The following NDFIP1 variants were observed in gnomAD, a reference collection of about 807,000 sequenced individuals.
The protein encoded by NDFIP1 is Nedd4 family interacting protein 1.
Under a neutral mutation model 28.8 loss-of-function variants are expected in NDFIP1, and 7 were observed. The ratio of observed to expected loss-of-function variants is 0.24; its 90% CI spans 0.14 to 0.46. The LOEUF (loss-of-function observed/expected upper bound fraction) is 0.46, where lower values mean the gene tolerates loss of function less well. Among genes scored for constraint, NDFIP1 ranks in the 20% least tolerant of loss-of-function variants. The pLI is 0.99. For synonymous variants in NDFIP1, 92 were observed against 101.0 expected (o/e 0.91, Z 0.53); for missense variants, 194 against 269.1 (o/e 0.72, Z 1.95).
chr5:142,134,462 A>G (rs7705547), intron 3 of NDFIP1, among the ~76,000 whole-genome samples: 102,251 of 152,122 alleles, frequency 0.67, 34,685 homozygotes, highest in African/African-American at 0.77. Flanking sequence ...TCGTTTTTAT[A>G]GAAATTTCAA....
chr5:142,126,000 A>G (rs1012867169), intron 1 of NDFIP1, among the ~76,000 whole-genome samples: 3 of 152,190 alleles, frequency 2.0e-5, no homozygotes, highest in African/African-American at 7.2e-5. Context: ...ATTATTTAAA[A>G]TATCTTCCCC....
intron 1 of NDFIP1, among the ~76,000 whole-genome samples, chr5:142,124,028 G>A (rs1210943875): frequency 3.3e-5 from 5 of 152,134 alleles, no homozygotes; most frequent in African/African-American, 1.2e-4. Context: ...AACAATTGTC[G>A]CTCCTTATTT....
In NDFIP1 at chr5:142,152,354, C is replaced by T. The variant is rs1194344456; in HGVS notation, c.*626C>T. On this transcript the variant is annotated 3_prime_UTR_variant, in exon 8 of 8. Coordinates refer to ENST00000253814, the MANE Select transcript of NDFIP1 (RefSeq NM_030571.4). ...TTTTTTATAGCCTGTATTCACAATTCTGCGGTACCTTATTGTACCTAAGGG... is the reference window on the plus strand; with the variant it reads ...TTTTTTATAGCCTGTATTCACAATTTTGCGGTACCTTATTGTACCTAAGGG... The T allele has an allele frequency of 6.6e-6, 1 of 152,268 alleles. No individual in the cohort carries two copies. The highest frequency in any genetic ancestry group is 1.5e-5 in the Non-Finnish European group (1 of 68,010). 9.4% of individuals were successfully genotyped at this position (152,268 alleles called of 1,614,324 possible). A position where few individuals can be genotyped will look rare whatever the true frequency, so the allele number is the denominator to read the frequency against.
chr5:142,142,693 C>T (rs1033230543), intron 6 of NDFIP1, among the ~76,000 whole-genome samples: 2 of 151,452 alleles, frequency 1.3e-5, no homozygotes, highest in Non-Finnish European at 2.9e-5. Context: ...TTTGGGAGGC[C>T]GAGGCAGGCA....
intron 5 of NDFIP1, among the ~76,000 whole-genome samples, chr5:142,138,628 C>T (rs550535915): frequency 1.3e-5 from 2 of 152,078 alleles, no homozygotes; most frequent in South Asian, 2.1e-4. Context: ...CATTTGTTAA[C>T]GTTTTTAGGG....
chr5:142,141,196 T>TTA (rs1491019799), intron 6 of NDFIP1, among the ~76,000 whole-genome samples: 1 of 99,524 alleles, frequency 1.0e-5, no homozygotes, highest in African/African-American at 4.2e-5. Flanking sequence ...TTTTTTTTTT[T>TTA]ACAGAGTCTT....
At chr5:142,111,569 A>G (rs777450706) in intron 1 of NDFIP1, among the ~76,000 whole-genome samples, 1 of 152,190 alleles carries the variant, frequency 6.6e-6, no homozygotes, top group Non-Finnish European at 1.5e-5. Context: ...TAGGAGCATG[A>G]TACTCTTTGG....
intron 1 of NDFIP1, among the ~76,000 whole-genome samples, chr5:142,129,972 A>G (rs4391200): frequency 0.67 from 100,769 of 149,602 alleles, 34,333 homozygotes; most frequent in African/African-American, 0.78. Context: ...TCTACTTCAC[A>G]TTAGTACACC....
At chr5:142,119,789 A>G (rs1443802155) in intron 1 of NDFIP1, among the ~76,000 whole-genome samples, 1 of 152,214 alleles carries the variant, frequency 6.6e-6, no homozygotes, top group African/African-American at 2.4e-5. Context: ...CATAACACTC[A>G]TATATCTATT....
chr5:142,131,077 C>G (rs901744664), intron 1 of NDFIP1, among the ~76,000 whole-genome samples: 6 of 151,852 alleles, frequency 4.0e-5, no homozygotes, highest in Admixed American at 2.0e-4. Context: ...GCCTCAGCCT[C>G]CTGAGTAGCT....
intron 7 of NDFIP1, among the ~76,000 whole-genome samples, chr5:142,148,819 A>G (rs1757417926): frequency 6.6e-6 from 1 of 151,278 alleles, no homozygotes; most frequent in East Asian, 2.0e-4. Flanking sequence ...ACCTGTTATA[A>G]ACATCTGTAC....
chr5:142,111,883 A>G lies in NDFIP1; in HGVS notation c.63+2846A>G, dbSNP rs137904022. Among the ~76,000 whole-genome samples, 835 of 151,834 alleles carry G rather than the reference A, an allele frequency of 5.5e-3. 10 individuals carry two copies. The highest frequency in any genetic ancestry group is 0.019 in the African/African-American group (798 of 41,402). ...GGAGTTCGAGACCAGCCTGGCCAAC[A>G]TGGCAAAACCTTGCCTCTACTAAAA... On this transcript the variant is annotated intron_variant, in intron 1 of 7. Transcript: ENST00000253814.
chr5:142,140,630 G>A lies in NDFIP1; in HGVS notation c.562+1G>A. On this transcript the variant is annotated splice_donor_variant, in intron 6 of 7. Transcript: ENST00000253814. LOFTEE classifies it high-confidence loss of function. Reference sequence around the variant, plus strand: ...CTCTGGTGGGTGTTCCTTGTTTTAGGTAAGTGTTTTTAATGTAAGAAAAGG... The same window carrying A: ...CTCTGGTGGGTGTTCCTTGTTTTAGATAAGTGTTTTTAATGTAAGAAAAGG... 6.2e-7 allele frequency: 1 copy of A among 1,608,436 alleles called. No homozygotes were observed. Among genetic ancestry groups the A allele is most frequent in the Non-Finnish European group, 8.5e-7 (1 of 1,177,890 alleles).
At position 142,132,134 on chromosome 5, in the gene NDFIP1, G is replaced by T; in HGVS notation, c.152-78G>T. 1 of 1,530,916 alleles carries T rather than the reference G, an allele frequency of 6.5e-7. No individual in the cohort carries two copies. Among genetic ancestry groups the T allele is most frequent in the Non-Finnish European group, 8.8e-7 (1 of 1,131,368 alleles). The allele number at this position is 1,530,916 out of a possible 1,614,324, so 94.8% of individuals were successfully genotyped here. On this transcript the variant is annotated intron_variant, in intron 2 of 7. Transcript: ENST00000253814. ...ACTCTTAAGGGAATGGCTGGGTTTT[G>T]TCTGCTAGAGTTAGTGGAACTCCTT... is the stretch of plus-strand genomic sequence containing the variant.
At position 142,153,583 on chromosome 5, in the gene NDFIP1, G is replaced by T; in HGVS notation, c.*1855G>T. 2 of 278,188 alleles carry T rather than the reference G, an allele frequency of 7.2e-6. No homozygotes were observed. Among genetic ancestry groups the T allele is most frequent in the East Asian group, 8.5e-5 (1 of 11,718 alleles). The allele number at this position is 278,188 out of a possible 1,614,324, so 17.2% of individuals were successfully genotyped here. A position where few individuals can be genotyped will look rare whatever the true frequency, so the allele number is the denominator to read the frequency against. The stretch of plus-strand genomic sequence containing the variant: ...AAGTTATATTTGATAATAGAGAAGG[G>T]AGTTTTATGGAAGTTTCTTTGAAGA... On this transcript the variant is annotated 3_prime_UTR_variant, in exon 8 of 8. Transcript: ENST00000253814.
At chr5:142,151,137 G>A (rs1404218396) in intron 7 of NDFIP1, among the ~76,000 whole-genome samples, 1 of 152,174 alleles carries the variant, frequency 6.6e-6, no homozygotes, top group African/African-American at 2.4e-5. Context: ...GAAAGTACAT[G>A]TATTATTTTA....
chr5:142,137,419 G>A (rs779595556), intron 4 of NDFIP1, among the ~76,000 whole-genome samples: 14 of 152,062 alleles, frequency 9.2e-5, no homozygotes, highest in Non-Finnish European at 1.5e-4. Context: ...TGCTGGGCTC[G>A]GGATCCTCCA....
At chr5:142,135,094 T>G (rs1406223710) in intron 3 of NDFIP1, among the ~76,000 whole-genome samples, 1 of 152,150 alleles carries the variant, frequency 6.6e-6, no homozygotes, top group African/African-American at 2.4e-5. Flanking sequence ...TTCTCCTGCC[T>G]TAGCCTCCCG....
intron 5 of NDFIP1, among the ~76,000 whole-genome samples, chr5:142,139,786 G>A (rs529196458): frequency 4.0e-4 from 61 of 152,264 alleles, no homozygotes; most frequent in African/African-American, 1.5e-3. Context: ...AGGAGGCTGA[G>A]GTGAGAGGAT....
Sources: allele counts gnomAD v4.1 joint callset (sites outside exome capture counted in the v4.1 genomes callset), GRCh38; gene constraint gnomAD v4.1.1; transcripts MANE v1.5; gene names NCBI Gene and HGNC (gene_info 2026-07-23, HGNC 2026-07-21).